FBXO7: variants seen among roughly 807,000 people sequenced by gnomAD.
FBXO7 encodes the protein F-box protein 7.
A neutral mutation model predicts 50.2 loss-of-function variants in FBXO7; 31 were observed. The observed-to-expected ratio is 0.62, with a 90% CI of 0.46 to 0.83. The LOEUF (loss-of-function observed/expected upper bound fraction) is 0.83. Among genes scored for constraint, FBXO7 ranks in the 40% least tolerant of loss-of-function variants. The probability of loss-of-function intolerance (pLI) is 0.00; values close to 1 mark genes in which losing one functional copy is unlikely to be tolerated. For synonymous variants in FBXO7, 256 were observed against 253.1 expected (o/e 1.01, Z -0.11); for missense variants, 667 against 646.6 (o/e 1.03, Z -0.34).
intron 4 of FBXO7, among the ~76,000 whole-genome samples, chr22:32,485,849 T>C (rs996059678): frequency 1.3e-5 from 2 of 152,226 alleles, no homozygotes; most frequent in African/African-American, 4.8e-5. Flanking sequence ...GGTACCACTT[T>C]GTTTCATATC....
chr22:32,492,306 G>T (rs2057543114), intron 6 of FBXO7: 1 of 152,254 alleles, frequency 6.6e-6, no homozygotes, highest in Non-Finnish European at 1.5e-5. Context: ...TCTGTAGTTG[G>T]TGATAAGGGA....
At chr22:32,494,545 A>G (rs1468899900) in intron 7 of FBXO7, among the ~76,000 whole-genome samples, 1 of 152,128 alleles carries the variant, frequency 6.6e-6, no homozygotes, top group Non-Finnish European at 1.5e-5. Flanking sequence ...TAGTGGAGAC[A>G]AAGTCTTGCA....
At chr22:32,493,045 G>A (rs753650462) in intron 6 of FBXO7, 60 bp from the exon 7 acceptor site, 2 of 1,530,442 alleles carry the variant, frequency 1.3e-6, no homozygotes, top group African/African-American at 2.7e-5. Context: ...TTGACTATGT[G>A]GAGAAAGCCA....
intron 4 of FBXO7, among the ~76,000 whole-genome samples, chr22:32,486,505 A>G (rs1209754126): frequency 6.6e-6 from 1 of 151,336 alleles, no homozygotes; most frequent in Non-Finnish European, 1.5e-5. Flanking sequence ...GCTATTTTTT[A>G]TTTTATTTTT....
intron 2 of FBXO7, among the ~76,000 whole-genome samples, chr22:32,481,384 T>C (rs2057464117): frequency 6.6e-6 from 1 of 152,248 alleles, no homozygotes; most frequent in South Asian, 2.1e-4. Context: ...TACTTCTGTG[T>C]ACTTTTAAAG....
At position 32,487,743 on chromosome 22, in the gene FBXO7, A is replaced by G. The variant is rs1230531506; in HGVS notation, c.788-2A>G. ...TATCATCTTTCTTTTGTTTATTTAC[A>G]GCTACACTAAAAATCAACAATGAGA... On this transcript the variant is annotated splice_acceptor_variant, in intron 4 of 8. Transcript: ENST00000266087. LOFTEE classifies it high-confidence loss of function. The G allele has an allele frequency of 6.3e-7, 1 of 1,589,046 alleles. No individual in the cohort carries two copies. The highest frequency in any genetic ancestry group is 1.7e-5 in the Admixed American group (1 of 59,808).
chr22:32,481,451 T>C (rs2057464446), intron 2 of FBXO7, among the ~76,000 whole-genome samples: 1 of 152,202 alleles, frequency 6.6e-6, no homozygotes, highest in Admixed American at 6.5e-5. Context: ...AGTTTCCTTT[T>C]GGAAAATTTT....
At chr22:32,491,249 G>A (rs1382213873) in intron 6 of FBXO7, 68 bp downstream of exon 6, 5 of 1,186,044 alleles carry the variant, frequency 4.2e-6, no homozygotes, top group Non-Finnish European at 5.0e-6. Flanking sequence ...AATATTCTTG[G>A]TGAGTATGAC....
chr22:32,495,571 G>C (rs747570685), intron 8 of FBXO7, 41 bp downstream of exon 8: 1 of 1,131,190 alleles, frequency 8.8e-7, no homozygotes, highest in Non-Finnish European at 1.3e-6. Flanking sequence ...CCATAACACA[G>C]AAATGACTAG....
chr22:32,481,109 A>G (rs536625602), intron 2 of FBXO7, among the ~76,000 whole-genome samples: 1 of 152,306 alleles, frequency 6.6e-6, no homozygotes, highest in Non-Finnish European at 1.5e-5. Context: ...ATTTTTGAGT[A>G]TAAGTATTCA....
chr22:32,479,586 G>A (rs1373414209), intron 2 of FBXO7, among the ~76,000 whole-genome samples: 7 of 151,996 alleles, frequency 4.6e-5, no homozygotes, highest in Middle Eastern at 3.4e-3. Flanking sequence ...TAGTAGAGAC[G>A]GGGTTTCAGC....
intron 8 of FBXO7, 120 bp from the exon 9 acceptor site, chr22:32,498,023 TA>T: frequency 8.6e-7 from 1 of 1,160,264 alleles, no homozygotes; most frequent in Non-Finnish European, 1.2e-6. Context: ...GGTTTGGGAC[TA>T]AATCCACAAT....
intron 6 of FBXO7, 87 bp from the exon 7 acceptor site, chr22:32,493,018 A>G (rs761966322): frequency 1.5e-6 from 2 of 1,298,948 alleles, no homozygotes; most frequent in Admixed American, 3.4e-5. Flanking sequence ...TTTAGAAAGG[A>G]ACAAGTGGCA....
chr22:32,480,348 T>C (rs1191926776), intron 2 of FBXO7, among the ~76,000 whole-genome samples: 1 of 152,152 alleles, frequency 6.6e-6, no homozygotes, highest in African/African-American at 2.4e-5. Flanking sequence ...TCCACTCAAC[T>C]TTTTTAGGGC....
Position 32,498,747 on chromosome 22 carries a change from A to G in FBXO7, c.*217A>G. On this transcript the variant is annotated 3_prime_UTR_variant, in exon 9 of 9. Coordinates refer to ENST00000266087, the MANE Select transcript of FBXO7 (RefSeq NM_012179.4). Reference sequence around the variant, plus strand: ...TTGGCCTTGGGAATAGTTGGCTGCCAATCTCCCTGCTCTTGGTTCTCCTCT... The same window carrying G: ...TTGGCCTTGGGAATAGTTGGCTGCCGATCTCCCTGCTCTTGGTTCTCCTCT... 1.7e-6 allele frequency: 1 copy of G among 596,284 alleles called. No homozygotes were observed. 36.9% of individuals were successfully genotyped at this position (596,284 alleles called of 1,614,324 possible).
At chr22:32,483,688 T>TA (rs1323304577) in intron 2 of FBXO7, among the ~76,000 whole-genome samples, 16 of 152,266 alleles carry the variant, frequency 1.1e-4, no homozygotes, top group African/African-American at 3.1e-4. Context: ...GTTCTTGACA[T>TA]ACCAGCTAGA....
In FBXO7 at chr22:32,485,194, C is replaced by A. The variant is rs778920485; in HGVS notation, c.772C>A (p.Leu258Met). Residue 258 changes from leucine (L) to methionine (M), a missense_variant, in exon 4 of 9, where the codon CTG (leucine) becomes ATG (methionine). Coordinates refer to ENST00000266087, the MANE Select transcript of FBXO7 (RefSeq NM_012179.4). ...ATLTCVPLGN[L>M]IVVNATLKIN... ...TCTCACCTGTGTGCCTTTGGGAAAC[C>A]TGATTGTTGTAAATGGTAATTGGAT... is the stretch of plus-strand genomic sequence containing the variant. 2 of 1,614,126 alleles carry A rather than the reference C, an allele frequency of 1.2e-6. No homozygotes were observed. The highest frequency in any genetic ancestry group is 1.7e-6 in the Non-Finnish European group (2 of 1,179,994).
At chr22:32,480,390 A>G (rs1191274335) in intron 2 of FBXO7, among the ~76,000 whole-genome samples, 2 of 152,140 alleles carry the variant, frequency 1.3e-5, no homozygotes, top group East Asian at 1.9e-4. Flanking sequence ...TTAAACTGTC[A>G]TCTCCAATCA....
At chr22:32,496,290 G>A (rs953939966) in intron 8 of FBXO7, among the ~76,000 whole-genome samples, 17 of 152,160 alleles carry the variant, frequency 1.1e-4, no homozygotes, top group Non-Finnish European at 1.9e-4. Context: ...AGACCATCTT[G>A]GCTAACACGG....
Sources: gnomAD v4.1 joint callset for allele counts (sites outside exome capture counted in the v4.1 genomes callset) on GRCh38, gnomAD v4.1.1 for gene constraint, MANE v1.5 for transcripts, NCBI Gene and HGNC (gene_info 2026-07-23, HGNC 2026-07-21) for gene names.